Variants in RNGTT observed in about 807,000 individuals in gnomAD.
The protein encoded by RNGTT is RNA guanylyltransferase and 5'-phosphatase.
A neutral mutation model predicts 79.3 loss-of-function variants in RNGTT; 33 were observed. That is an observed-to-expected ratio of 0.42 (90% confidence interval 0.32 to 0.56). The LOEUF is 0.56. Ranked by LOEUF, RNGTT falls within the 20% of genes least tolerant of loss-of-function variation. The probability of loss-of-function intolerance (pLI) is 0.17; values close to 1 mark genes in which losing one functional copy is unlikely to be tolerated. For synonymous variants in RNGTT, 222 were observed against 235.9 expected (o/e 0.94, Z 0.54); for missense variants, 497 against 739.1 (o/e 0.67, Z 3.80).
intron 10 of RNGTT, among the ~76,000 whole-genome samples, chr6:88,847,596 G>A (rs1781526933): frequency 6.6e-6 from 1 of 151,614 alleles, no homozygotes; most frequent in Non-Finnish European, 1.5e-5. Flanking sequence ...AAATATACGT[G>A]GCTTAAAATC....
chr6:88,611,135 GA>G lies in RNGTT; in HGVS notation c.*1583del, dbSNP rs1772008885. 6.6e-6 allele frequency: 1 copy of G among 152,182 alleles called. No individual in the cohort carries two copies. Among genetic ancestry groups the G allele is most frequent in the South Asian group, 2.1e-4 (1 of 4,832 alleles). The allele number at this position is 152,182 out of a possible 1,614,324, so 9.4% of individuals were successfully genotyped here. A position where few individuals can be genotyped will look rare whatever the true frequency, so the allele number is the denominator to read the frequency against. ...ATACATTACATGACTTGGGAACAAC[GA>G]AGAAAAAAGCCCAAGCTTGACTCAA... On this transcript the variant is annotated 3_prime_UTR_variant, in exon 16 of 16. Transcript: ENST00000369485.
Position 88,701,764 on chromosome 6 carries a change from G to GT in RNGTT, c.1440-23346dup, listed in dbSNP as rs1487598243. Among the ~76,000 whole-genome samples the GT allele has an allele frequency of 4.6e-5, 7 of 152,216 alleles. No homozygotes were observed. The East Asian group carries it at 9.6e-4, about 21-fold the overall frequency. On this transcript the variant is annotated intron_variant, in intron 13 of 15. Coordinates refer to ENST00000369485, the MANE Select transcript of RNGTT (RefSeq NM_003800.5). Reference sequence around the variant, plus strand: ...CAATTTATCTAAAGGCACACAGATTGTAAGTACAACTGGTAATCAAACTTC... The same window carrying GT: ...CAATTTATCTAAAGGCACACAGATTGTTAAGTACAACTGGTAATCAAACTTC...
chr6:88,718,190 C>T (rs911099993), intron 13 of RNGTT, among the ~76,000 whole-genome samples: 3 of 152,052 alleles, frequency 2.0e-5, no homozygotes, highest in East Asian at 1.9e-4. Context: ...AGTTCGAGAC[C>T]AGCCTAGCCA....
intron 1 of RNGTT, among the ~76,000 whole-genome samples, chr6:88,956,970 T>C (rs796202885): frequency 1.3e-5 from 2 of 152,018 alleles, no homozygotes; most frequent in African/African-American, 4.8e-5. Context: ...GAGGCAGAGG[T>C]TGCAATGAGC....
chr6:88,879,559 C>T (rs1034405535), intron 8 of RNGTT, among the ~76,000 whole-genome samples: 4 of 152,000 alleles, frequency 2.6e-5, no homozygotes, highest in African/African-American at 9.7e-5. Context: ...GCACCCTGCT[C>T]TAACAAAGGC....
At chr6:88,715,811 T>C (rs1776490526) in intron 13 of RNGTT, among the ~76,000 whole-genome samples, 2 of 152,188 alleles carry the variant, frequency 1.3e-5, no homozygotes, top group Admixed American at 1.3e-4. Context: ...ATACATAAAT[T>C]AATTCAAGAT....
At chr6:88,802,279 T>G (rs1779815677) in intron 11 of RNGTT, among the ~76,000 whole-genome samples, 1 of 152,178 alleles carries the variant, frequency 6.6e-6, no homozygotes, top group Non-Finnish European at 1.5e-5. Flanking sequence ...GGGGTTTTTT[T>G]GTGTCTTTTT....
chr6:88,647,925 G>A lies in RNGTT; in HGVS notation c.1506+30428C>T, dbSNP rs117811956. 5.0e-3 allele frequency among the ~76,000 whole-genome samples: 751 copies of A among 151,626 alleles called. 6 individuals are homozygous for A. The highest frequency in any genetic ancestry group is 8.9e-3 in the Non-Finnish European group (604 of 67,976). ...TGAAAATACCTGAAATAACAACTAC[G>A]GAAAAGAAGAATCTTCCATGGCTTG... On this transcript the variant is annotated intron_variant, in intron 14 of 15. Coordinates refer to ENST00000369485, the MANE Select transcript of RNGTT (RefSeq NM_003800.5).
At chr6:88,808,518 G>A (rs925883326) in intron 11 of RNGTT, among the ~76,000 whole-genome samples, 3 of 152,168 alleles carry the variant, frequency 2.0e-5, no homozygotes, top group Admixed American at 1.3e-4. Context: ...TAGTATGATA[G>A]TAGATTTAAA....
At chr6:88,626,545 G>T (rs1480747526) in intron 14 of RNGTT, among the ~76,000 whole-genome samples, 1 of 151,966 alleles carries the variant, frequency 6.6e-6, no homozygotes, top group Admixed American at 6.6e-5. Flanking sequence ...TAATACATTG[G>T]CTTGAACCCA....
intron 14 of RNGTT, among the ~76,000 whole-genome samples, chr6:88,640,193 T>C (rs1471522528): frequency 2.0e-5 from 3 of 152,164 alleles, no homozygotes; most frequent in Non-Finnish European, 2.9e-5. Context: ...AGATGCTTAA[T>C]GAATGTCAGT....
intron 11 of RNGTT, among the ~76,000 whole-genome samples, chr6:88,808,351 GAAC>G (rs1780027127): frequency 6.6e-6 from 1 of 151,942 alleles, no homozygotes. Flanking sequence ...ATAAACCTTA[GAAC>G]AACTGCTAAA....
chr6:88,767,678 CAAAA>C (rs58712575), intron 13 of RNGTT, among the ~76,000 whole-genome samples: 3,998 of 83,566 alleles, frequency 0.048, 92 homozygotes, highest in East Asian at 0.089. Flanking sequence ...TCACTTGTGT[CAAAA>C]AAAAAAAAAA....
At chr6:88,618,542 T>C (rs16880963) in intron 14 of RNGTT, among the ~76,000 whole-genome samples, 4,570 of 152,212 alleles carry the variant, frequency 0.03, 230 homozygotes, top group African/African-American at 0.1. Context: ...TTTGAGTTAA[T>C]GAGACCTTGA....
chr6:88,728,116 A>C (rs1776983185), intron 13 of RNGTT, among the ~76,000 whole-genome samples: 1 of 152,220 alleles, frequency 6.6e-6, no homozygotes, highest in African/African-American at 2.4e-5. Context: ...AACCCTACCA[A>C]ACTAAAGCTA....
At chr6:88,833,730 A>G (rs978237704) in intron 11 of RNGTT, among the ~76,000 whole-genome samples, 3 of 152,214 alleles carry the variant, frequency 2.0e-5, no homozygotes, top group South Asian at 2.1e-4. Flanking sequence ...TTGGAGGCCA[A>G]TAACATCTTT....
intron 8 of RNGTT, among the ~76,000 whole-genome samples, chr6:88,883,170 CAA>C (rs976114373): frequency 0.21 from 14,328 of 67,934 alleles, 285 homozygotes; most frequent in Middle Eastern, 0.32. Flanking sequence ...CTCTTTATGA[CAA>C]AAAAAAAAAA....
chr6:88,698,306 T>C (rs545257541), intron 13 of RNGTT, among the ~76,000 whole-genome samples: 1 of 132,732 alleles, frequency 7.5e-6, no homozygotes, highest in African/African-American at 3.1e-5. Flanking sequence ...ATATATGAAA[T>C]ATATATATGA....
At chr6:88,746,697 C>T (rs753506742) in intron 13 of RNGTT, among the ~76,000 whole-genome samples, 25 of 152,198 alleles carry the variant, frequency 1.6e-4, no homozygotes, top group South Asian at 6.2e-4. Flanking sequence ...CTTGCTCCTC[C>T]GCCACTTACC....
Sources: allele counts gnomAD v4.1 joint callset (sites outside exome capture counted in the v4.1 genomes callset), GRCh38; gene constraint gnomAD v4.1.1; transcripts MANE v1.5; gene names NCBI Gene and HGNC (gene_info 2026-07-23, HGNC 2026-07-21).